PDE1C: variants seen among roughly 807,000 people sequenced by gnomAD.
The protein encoded by PDE1C is phosphodiesterase 1C.
In PDE1C, 62 loss-of-function variants were observed where a neutral mutation model predicts 93.1. The observed-to-expected ratio is 0.67, with a 90% CI of 0.54 to 0.82. PDE1C has a LOEUF of 0.82. PDE1C is among the 40% of genes least tolerant of loss of function. The pLI is 0.00. For missense variants in PDE1C, 742 were observed against 884.6 expected, an observed-to-expected ratio of 0.84 and a Z score of 2.04; for synonymous variants, 325 against 310.1, an observed-to-expected ratio of 1.05 and a Z score of -0.50.
chr7:32,139,224 C>A (rs900826617), intron 3 of PDE1C, among the ~76,000 whole-genome samples: 1 of 150,876 alleles, frequency 6.6e-6, no homozygotes, highest in Non-Finnish European at 1.5e-5. Flanking sequence ...CAACCTTGAA[C>A]TACTGGGCTC....
chr7:32,222,186 G>A (rs1024751833), intron 1 of PDE1C, among the ~76,000 whole-genome samples: 1 of 152,122 alleles, frequency 6.6e-6, no homozygotes, highest in East Asian at 1.9e-4. Flanking sequence ...CATCAGATCA[G>A]GCATGCACTG....
the PDE1C span, chr7:31,651,999 G>A: frequency 7.5e-6 from 12 of 1,606,016 alleles, 1 homozygote; most frequent in South Asian, 1.3e-4. Flanking sequence ...TGGCAGAGTT[G>A]GAATTTCAGT....
chr7:31,839,693 G>T (rs1050433031), intron 9 of PDE1C, among the ~76,000 whole-genome samples: 11 of 152,104 alleles, frequency 7.2e-5, no homozygotes, highest in Non-Finnish European at 1.6e-4. Context: ...TTTATCTGGG[G>T]TGAATACCTA....
intron 2 of PDE1C, among the ~76,000 whole-genome samples, chr7:31,912,679 C>G (rs1801396401): frequency 6.6e-6 from 1 of 151,800 alleles, no homozygotes; most frequent in African/African-American, 2.4e-5. Context: ...AAAGTGAGAC[C>G]TTGTCTCAAA....
At chr7:32,322,070 T>C (rs1360400972) in intron 1 of PDE1C, among the ~76,000 whole-genome samples, 1 of 152,214 alleles carries the variant, frequency 6.6e-6, no homozygotes, top group Non-Finnish European at 1.5e-5. Flanking sequence ...TAGGAACTTT[T>C]ATGTATATTA....
intron 1 of PDE1C, among the ~76,000 whole-genome samples, chr7:32,313,919 A>G (rs927538554): frequency 2.0e-5 from 3 of 152,098 alleles, no homozygotes; most frequent in Non-Finnish European, 4.4e-5. Context: ...ATAAAATAAA[A>G]TAAAATAAAA....
intron 2 of PDE1C, among the ~76,000 whole-genome samples, chr7:31,943,435 T>A (rs1806118592): frequency 6.6e-6 from 1 of 152,150 alleles, no homozygotes; most frequent in African/African-American, 2.4e-5. Context: ...TAAAAAGATA[T>A]CCTGATTGTT....
the PDE1C span, chr7:31,651,165 CAT>C: frequency 6.2e-7 from 1 of 1,613,416 alleles, no homozygotes; most frequent in Non-Finnish European, 8.5e-7. Flanking sequence ...AGATGGAAGC[CAT>C]GAAGACGATA....
At chr7:31,772,875 G>T (rs1463850395) in intron 17 of PDE1C, among the ~76,000 whole-genome samples, 1 of 152,242 alleles carries the variant, frequency 6.6e-6, no homozygotes, top group Non-Finnish European at 1.5e-5. Context: ...CTCTTCTACA[G>T]CTATGAGATG....
the PDE1C span, among the ~76,000 whole-genome samples, chr7:31,701,304 G>T: frequency 6.6e-6 from 1 of 152,166 alleles, no homozygotes; most frequent in African/African-American, 2.4e-5. Flanking sequence ...TTCAGTGGAG[G>T]ACGTAACTGC....
rs907155906 is a variant in PDE1C, at chr7:32,138,571, C to T, written c.308+31214G>A. On this transcript the variant is annotated intron_variant, in intron 3 of 18. Coordinates refer to the PDE1C transcript ENST00000396193. ...CAGCTGGGAAACACAGAATACTGGGCAGACCAAGATAAGAGAGAAAACAAT... is the reference window on the plus strand; with the variant it reads ...CAGCTGGGAAACACAGAATACTGGGTAGACCAAGATAAGAGAGAAAACAAT... 1.3e-4 allele frequency among the ~76,000 whole-genome samples: 20 copies of T among 152,052 alleles called. 1 individual carries two copies. Among genetic ancestry groups the T allele is most frequent in the African/African-American group, 4.8e-4 (20 of 41,398 alleles).
rs151181331 is a variant in PDE1C at position 32,081,094 on chromosome 7, G to A, written c.308+88691C>T. On this transcript the variant is annotated intron_variant, in intron 3 of 18. Transcript: ENST00000396193. ...AAACTGCTTATGTGCTGCCAGTACC[G>A]CCATGGAAACAGGTGGACTCTCACA... 2.0e-3 allele frequency among the ~76,000 whole-genome samples: 301 copies of A among 152,276 alleles called. 5 individuals are homozygous for A. Among genetic ancestry groups the A allele is most frequent in the African/African-American group, 6.0e-3 (251 of 41,550 alleles).
intron 1 of PDE1C, among the ~76,000 whole-genome samples, chr7:32,216,412 A>ATAGAT (rs1187171582): frequency 1.3e-5 from 2 of 152,174 alleles, no homozygotes; most frequent in African/African-American, 4.8e-5. Flanking sequence ...CCACACAAGC[A>ATAGAT]TAGATTCTCT....
intron 2 of PDE1C, among the ~76,000 whole-genome samples, chr7:32,050,439 T>C (rs924735581): frequency 2.0e-5 from 3 of 152,152 alleles, no homozygotes; most frequent in East Asian, 1.9e-4. Flanking sequence ...TGTGCCATTA[T>C]TGTCCAATGA....
At chr7:31,639,753 G>A in the PDE1C span, among the ~76,000 whole-genome samples, 12 of 151,750 alleles carry the variant, frequency 7.9e-5, no homozygotes, top group Admixed American at 2.6e-4. Flanking sequence ...AGCCAGGCTC[G>A]TCTTGAACTC....
chr7:32,398,311 A>AAAAAAAG (rs1554317321), intron 1 of PDE1C, among the ~76,000 whole-genome samples: 5 of 151,686 alleles, frequency 3.3e-5, no homozygotes, highest in African/African-American at 4.8e-5. Flanking sequence ...TCAAAAAAAA[A>AAAAAAAG]AAAAAGAAAA....
At chr7:31,947,413 T>C (rs1440718801) in intron 2 of PDE1C, among the ~76,000 whole-genome samples, 1 of 152,216 alleles carries the variant, frequency 6.6e-6, no homozygotes, top group Non-Finnish European at 1.5e-5. Flanking sequence ...CATCATAGCA[T>C]GTGTTCATGT....
At chr7:32,095,594 C>G (rs1022430030) in intron 3 of PDE1C, among the ~76,000 whole-genome samples, 1 of 152,200 alleles carries the variant, frequency 6.6e-6, no homozygotes, top group South Asian at 2.1e-4. Context: ...TTATATTTCT[C>G]CAGCCCACTT....
At chr7:32,006,669 A>C (rs571549100) in intron 2 of PDE1C, among the ~76,000 whole-genome samples, 9 of 152,348 alleles carry the variant, frequency 5.9e-5, no homozygotes, top group Non-Finnish European at 1.0e-4. Flanking sequence ...ACAGCAGGAA[A>C]CAAAACCGTG....
Sources: allele counts gnomAD v4.1 joint callset (sites outside exome capture counted in the v4.1 genomes callset), GRCh38; gene constraint gnomAD v4.1.1; transcripts MANE v1.5; gene names NCBI Gene and HGNC (gene_info 2026-07-23, HGNC 2026-07-21).